The following SMARCC1 variants were observed in gnomAD, a reference collection of about 807,000 sequenced individuals.
SMARCC1 encodes SWI/SNF complex subunit SMARCC1.
Under a neutral mutation model 147.4 loss-of-function variants are expected in SMARCC1, and 43 were observed. The ratio of observed to expected loss-of-function variants is 0.29; its 90% CI spans 0.23 to 0.38. SMARCC1 has a LOEUF of 0.38. SMARCC1 is among the 10% of genes least tolerant of loss of function. The probability of loss-of-function intolerance (pLI) is 1.00; values close to 1 mark genes in which losing one functional copy is unlikely to be tolerated. For missense variants in SMARCC1, 1,119 were observed against 1,381.1 expected (o/e 0.81, Z 3.01); for synonymous variants, 495 against 484.4 (o/e 1.02, Z -0.29).
At chr3:47,645,781 G>A (rs1157869497) in intron 21 of SMARCC1, among the ~76,000 whole-genome samples, 1 of 152,182 alleles carries the variant, frequency 6.6e-6, no homozygotes, top group Non-Finnish European at 1.5e-5. Flanking sequence ...CCAAAAGGAT[G>A]ACACACCCAC....
Position 47,661,370 on chromosome 3 carries a change from A to C in SMARCC1, c.2244T>G (p.Ser748=). 6.2e-7 allele frequency: 1 copy of C among 1,613,946 alleles called. No homozygotes were observed. Among genetic ancestry groups the C allele is most frequent in the Non-Finnish European group, 8.5e-7 (1 of 1,179,904 alleles). ...VKKVQEAARA[S]GKVDPTYGLE... ...GACCGTAGGTGGGATCCACTTTCCCAGAGGCTCGTGCTGCTTCTTGTACTT... is the reference window on the plus strand; with the variant it reads ...GACCGTAGGTGGGATCCACTTTCCCCGAGGCTCGTGCTGCTTCTTGTACTT... Residue 748 remains serine (S), a synonymous_variant, in exon 21 of 28, where the codon TCT becomes TCG. Transcript: ENST00000254480.
chr3:47,629,830 T>C (rs1339029092), intron 24 of SMARCC1, among the ~76,000 whole-genome samples: 4 of 152,054 alleles, frequency 2.6e-5, no homozygotes, highest in Admixed American at 1.3e-4. Flanking sequence ...CTCACTGCAA[T>C]ATCATGACAG....
intron 19 of SMARCC1, chr3:47,663,643 G>A: frequency 6.6e-7 from 1 of 1,511,318 alleles, no homozygotes; most frequent in Non-Finnish European, 9.2e-7. Context: ...TGATTCCAGA[G>A]GTCCCCTTTG....
chr3:47,594,916 C>G (rs1418008524), intron 26 of SMARCC1, among the ~76,000 whole-genome samples: 1 of 152,232 alleles, frequency 6.6e-6, no homozygotes, highest in Non-Finnish European at 1.5e-5. Context: ...GATCTGCATA[C>G]CTACATCCCT....
At chr3:47,698,250 C>T (rs192317309) in intron 11 of SMARCC1, among the ~76,000 whole-genome samples, 2 of 151,922 alleles carry the variant, frequency 1.3e-5, no homozygotes, top group African/African-American at 4.8e-5. Context: ...TACTGAAGAA[C>T]GGTATCAAAA....
intron 2 of SMARCC1, among the ~76,000 whole-genome samples, chr3:47,771,639 G>A (rs1462082348): frequency 6.6e-6 from 1 of 152,064 alleles, no homozygotes; most frequent in African/African-American, 2.4e-5. Flanking sequence ...AGCTACTCAG[G>A]AGGCTGAGGC....
chr3:47,766,001 G>C (rs1371094861), intron 2 of SMARCC1, among the ~76,000 whole-genome samples: 1 of 152,106 alleles, frequency 6.6e-6, no homozygotes, highest in Non-Finnish European at 1.5e-5. Context: ...CCAAAGTGCT[G>C]GGATTACAGG....
intron 21 of SMARCC1, among the ~76,000 whole-genome samples, chr3:47,659,759 A>AG (rs1559637270): frequency 8.4e-4 from 22 of 26,062 alleles, no homozygotes; most frequent in East Asian, 2.1e-3. Flanking sequence ...AGAAAAAAAA[A>AG]AGGGGGGGGG....
chr3:47,617,077 C>CAT (rs2032655832), intron 25 of SMARCC1, among the ~76,000 whole-genome samples: 1 of 152,154 alleles, frequency 6.6e-6, no homozygotes, highest in African/African-American at 2.4e-5. Context: ...ACAGAAGCTG[C>CAT]ATATATATCT....
intron 2 of SMARCC1, among the ~76,000 whole-genome samples, chr3:47,759,571 A>AGATT (rs71070228): frequency 0.6 from 83,585 of 140,018 alleles, 26,402 homozygotes; most frequent in East Asian, 0.71. Context: ...CAGTGAGCCA[A>AGATT]GATTCCACCA....
intron 1 of SMARCC1, among the ~76,000 whole-genome samples, chr3:47,780,756 G>A (rs1034598845): frequency 6.6e-6 from 1 of 152,008 alleles, no homozygotes; most frequent in Non-Finnish European, 1.5e-5. Flanking sequence ...AGAGGCTGGG[G>A]AGCCTTTTCG....
chr3:47,756,526 T>TCC (rs1158009489), intron 2 of SMARCC1, among the ~76,000 whole-genome samples: 1 of 77,180 alleles, frequency 1.3e-5, no homozygotes, highest in South Asian at 4.5e-4. Context: ...AGAGCGAAAC[T>TCC]CCGTCTCAAA....
chr3:47,730,239 G>T (rs1056687842), intron 5 of SMARCC1, among the ~76,000 whole-genome samples: 1 of 152,146 alleles, frequency 6.6e-6, no homozygotes, highest in African/African-American at 2.4e-5. Context: ...TGTAATCCCA[G>T]CACTTTGGAA....
At position 47,781,650 on chromosome 3, in the gene SMARCC1, A is replaced by G; in HGVS notation, c.148T>C (p.Ser50Pro). Residue 50 changes from serine (S) to proline (P), a missense_variant, in exon 1 of 28, where the codon TCC (serine) becomes CCC (proline). Transcript: ENST00000254480. ...CAGACCCGCACCGAATCCAGCTGGG[A>G]CACCGTCTCCGGGCTCTCCCAAAAC... Reference protein sequence around the residue: ...TKFWESPETVSQLDSVRVWLG... With the variant: ...TKFWESPETVPQLDSVRVWLG... The G allele has an allele frequency of 6.4e-7, 1 of 1,556,220 alleles. No individual in the cohort carries two copies. Among genetic ancestry groups the G allele is most frequent in the Non-Finnish European group, 8.7e-7 (1 of 1,155,318 alleles).
chr3:47,748,344 GT>G (rs2034589768), intron 2 of SMARCC1, among the ~76,000 whole-genome samples: 1 of 152,032 alleles, frequency 6.6e-6, no homozygotes, highest in Non-Finnish European at 1.5e-5. Context: ...CTCCCAAGTA[GT>G]TGGGATTACA....
At chr3:47,609,985 A>T in intron 26 of SMARCC1, 81 bp downstream of exon 26, 1 of 1,462,678 alleles carries the variant, frequency 6.8e-7, no homozygotes, top group Non-Finnish European at 9.4e-7. Flanking sequence ...AGAAAACACC[A>T]ACTGTGTGGT....
intron 26 of SMARCC1, among the ~76,000 whole-genome samples, chr3:47,605,807 C>T (rs1438438131): frequency 6.6e-6 from 1 of 152,028 alleles, no homozygotes; most frequent in Non-Finnish European, 1.5e-5. Flanking sequence ...AGCAGCCAGA[C>T]ATAATAAATG....
At chr3:47,636,211 G>A in intron 22 of SMARCC1, 75 bp from the exon 23 acceptor site, 1 of 748,820 alleles carries the variant, frequency 1.3e-6, no homozygotes, top group South Asian at 1.7e-5. Flanking sequence ...AATTATCTTA[G>A]ACTAGCAAAA....
At chr3:47,627,298 T>A (rs545687355) in intron 24 of SMARCC1, among the ~76,000 whole-genome samples, 1 of 151,768 alleles carries the variant, frequency 6.6e-6, no homozygotes, top group African/African-American at 2.4e-5. Flanking sequence ...AGCACAACTT[T>A]TGGAAACACC....
Sources: allele counts gnomAD v4.1 joint callset (sites outside exome capture counted in the v4.1 genomes callset), GRCh38; gene constraint gnomAD v4.1.1; transcripts MANE v1.5; gene names NCBI Gene and HGNC (gene_info 2026-07-23, HGNC 2026-07-21).